The following TMEM178B variants were observed in gnomAD, a reference collection of about 807,000 sequenced individuals.
The protein encoded by TMEM178B is transmembrane protein 178B.
Under a neutral mutation model 31.0 loss-of-function variants are expected in TMEM178B, and 5 were observed. That is an observed-to-expected ratio of 0.16 (90% CI 0.08 to 0.34). TMEM178B has a LOEUF of 0.34. Among genes scored for constraint, TMEM178B ranks in the 10% least tolerant of loss-of-function variants. The pLI, the probability that TMEM178B is intolerant of heterozygous loss-of-function variation, is 1.00. For synonymous variants in TMEM178B, 164 were observed against 164.0 expected (o/e 1.00, Z 0.00); for missense variants, 275 against 400.3 (o/e 0.69, Z 2.67).
At chr7:141,397,889 A>G (rs1800685813) in intron 2 of TMEM178B, among the ~76,000 whole-genome samples, 1 of 152,200 alleles carries the variant, frequency 6.6e-6, no homozygotes, top group Non-Finnish European at 1.5e-5. Flanking sequence ...TGGCTGCAGT[A>G]GTTATCGGGC....
At chr7:141,225,166 G>T (rs1178256588) in intron 2 of TMEM178B, among the ~76,000 whole-genome samples, 2 of 152,144 alleles carry the variant, frequency 1.3e-5, no homozygotes. Flanking sequence ...CCAGACAGTT[G>T]TGACTGCAAA....
intron 2 of TMEM178B, among the ~76,000 whole-genome samples, chr7:141,379,893 G>A (rs1020628569): frequency 5.7e-4 from 86 of 152,028 alleles, no homozygotes; most frequent in Non-Finnish European, 8.8e-5. Flanking sequence ...CTCAAATTGG[G>A]GGATGTCTCA....
chr7:141,147,099 G>A (rs1339162771), intron 1 of TMEM178B, among the ~76,000 whole-genome samples: 1 of 152,232 alleles, frequency 6.6e-6, no homozygotes, highest in Non-Finnish European at 1.5e-5. Flanking sequence ...ATGGAGGGGT[G>A]CTGCTACTCC....
At chr7:141,430,792 T>G (rs536594046) in intron 2 of TMEM178B, among the ~76,000 whole-genome samples, 1 of 152,310 alleles carries the variant, frequency 6.6e-6, no homozygotes, top group South Asian at 2.1e-4. Flanking sequence ...CCAGACCGAC[T>G]GATCCTTTAG....
At chr7:141,469,276 C>T (rs892308613) in intron 3 of TMEM178B, among the ~76,000 whole-genome samples, 2 of 152,184 alleles carry the variant, frequency 1.3e-5, no homozygotes, top group South Asian at 2.1e-4. Context: ...CATTTTTAAC[C>T]AGTATATCAT....
chr7:141,332,091 A>G (rs1049652518), intron 2 of TMEM178B, among the ~76,000 whole-genome samples: 2 of 152,128 alleles, frequency 1.3e-5, no homozygotes, highest in Non-Finnish European at 1.5e-5. Context: ...TGACCTTCAC[A>G]TCTGTCATTC....
At chr7:141,481,618 A>G (rs1054710911), downstream of TMEM178B, among the ~76,000 whole-genome samples, 15 of 152,204 alleles carry the variant, frequency 9.9e-5, no homozygotes, top group African/African-American at 3.4e-4. Flanking sequence ...AACTTCTTTA[A>G]AAGGGGCATC....
chr7:141,467,768 T>A (rs1014733876), intron 3 of TMEM178B, among the ~76,000 whole-genome samples: 1 of 152,220 alleles, frequency 6.6e-6, no homozygotes, highest in Admixed American at 6.5e-5. Context: ...ACCACAGACA[T>A]CTTCATATCT....
chr7:141,249,245 T>C (rs7777045), intron 2 of TMEM178B, among the ~76,000 whole-genome samples: 4,288 of 152,284 alleles, frequency 0.028, 138 homozygotes, highest in African/African-American at 0.079. Flanking sequence ...ATAAGTCTCC[T>C]GAGATCTGAT....
rs1280885163 is a variant in TMEM178B, at chr7:141,148,972, G to A, written c.383-63619G>A. On this transcript the variant is annotated intron_variant, in intron 1 of 3. Transcript: ENST00000565468. Reference sequence around the variant, plus strand: ...GTCCTTAGCTTGTCAGAGATGGAGAGGAGCTCTATGTGGCTGTGGCATGAA... The same window carrying A: ...GTCCTTAGCTTGTCAGAGATGGAGAAGAGCTCTATGTGGCTGTGGCATGAA... Among the ~76,000 whole-genome samples, 5 of 152,188 alleles carry A rather than the reference G, an allele frequency of 3.3e-5. 1 individual carries two copies.
intron 1 of TMEM178B, among the ~76,000 whole-genome samples, chr7:141,200,330 G>C (rs933078178): frequency 1.3e-5 from 2 of 152,038 alleles, no homozygotes; most frequent in Admixed American, 1.3e-4. Context: ...CTAGTGGGCT[G>C]TCCTGGTTGT....
intron 2 of TMEM178B, among the ~76,000 whole-genome samples, chr7:141,300,085 C>T (rs373867794): frequency 7.9e-5 from 12 of 152,258 alleles, no homozygotes; most frequent in South Asian, 2.1e-4. Flanking sequence ...TACCTGGCCC[C>T]GCTTGTTTGT....
intron 2 of TMEM178B, among the ~76,000 whole-genome samples, chr7:141,367,737 C>T (rs930899784): frequency 2.0e-5 from 3 of 152,070 alleles, no homozygotes; most frequent in Admixed American, 6.5e-5. Flanking sequence ...GAGTATAACC[C>T]GACCTCCTCT....
Position 141,405,541 on chromosome 7 carries a change from A to G in TMEM178B, c.497-32067A>G, listed in dbSNP as rs1442748611. On this transcript the variant is annotated intron_variant, in intron 2 of 3. Transcript: ENST00000565468. ...GTGAGGATCACATGAACTAACTTAT[A>G]TAAAAGTTCTTTAATACAAGTGTGA... 2.0e-5 allele frequency among the ~76,000 whole-genome samples: 3 copies of G among 152,250 alleles called. No individual in the cohort carries two copies. The East Asian group carries it at 5.8e-4, about 29-fold the overall frequency.
chr7:141,374,779 T>C (rs1029069010), intron 2 of TMEM178B, among the ~76,000 whole-genome samples: 1 of 152,246 alleles, frequency 6.6e-6, no homozygotes, highest in East Asian at 1.9e-4. Flanking sequence ...GATTCATCTT[T>C]GGTATTTGAA....
At chr7:141,096,634 T>C (rs568712139) in intron 1 of TMEM178B, among the ~76,000 whole-genome samples, 1 of 152,352 alleles carries the variant, frequency 6.6e-6, no homozygotes, top group East Asian at 1.9e-4. Flanking sequence ...TCCATACCCC[T>C]TCCCTTATAC....
chr7:141,447,863 T>C (rs1801789622), intron 3 of TMEM178B, among the ~76,000 whole-genome samples: 1 of 152,012 alleles, frequency 6.6e-6, no homozygotes, highest in Admixed American at 6.5e-5. Flanking sequence ...GATTAAGAAT[T>C]TCAGGACAGC....
At chr7:141,153,773 T>C (rs763305760) in intron 1 of TMEM178B, among the ~76,000 whole-genome samples, 1 of 152,234 alleles carries the variant, frequency 6.6e-6, no homozygotes, top group African/African-American at 2.4e-5. Context: ...TTCATATTGA[T>C]TTGGATGAGC....
the TMEM178B span, among the ~76,000 whole-genome samples, chr7:141,487,143 G>A: frequency 6.6e-6 from 1 of 152,020 alleles, no homozygotes; most frequent in Non-Finnish European, 1.5e-5. Context: ...CTCAAATTGG[G>A]GTTTTCACCA....
Sources: allele counts gnomAD v4.1 joint callset (sites outside exome capture counted in the v4.1 genomes callset), GRCh38; gene constraint gnomAD v4.1.1; transcripts MANE v1.5; gene names NCBI Gene and HGNC (gene_info 2026-07-23, HGNC 2026-07-21).